Variants in SPAG17 observed in about 807,000 individuals in gnomAD.
SPAG17 encodes sperm-associated antigen 17.
Under a neutral mutation model 273.6 loss-of-function variants are expected in SPAG17, and 169 were observed. That is an observed-to-expected ratio of 0.62 (90% confidence interval 0.55 to 0.70). The LOEUF (loss-of-function observed/expected upper bound fraction) is 0.70. Among genes scored for constraint, SPAG17 ranks in the 30% least tolerant of loss-of-function variants. The pLI, the probability that SPAG17 is intolerant of heterozygous loss-of-function variation, is 0.00. For missense variants in SPAG17, 2,557 were observed against 2,627.8 expected, an observed-to-expected ratio of 0.97 and a Z score of 0.59; for synonymous variants, 825 against 873.2, an observed-to-expected ratio of 0.94 and a Z score of 0.97.
chr1:117,985,664 A>G (rs1229887951), intron 40 of SPAG17, among the ~76,000 whole-genome samples: 1 of 152,190 alleles, frequency 6.6e-6, no homozygotes, highest in Non-Finnish European at 1.5e-5. Context: ...TTTCTGTTAA[A>G]TGTAGCTGAA....
At chr1:117,994,615 C>T (rs2101666533) in intron 34 of SPAG17, 85 bp from the exon 35 acceptor site, 2 of 1,411,188 alleles carry the variant, frequency 1.4e-6, no homozygotes, top group Non-Finnish European at 1.9e-6. Context: ...ATTCAACAAG[C>T]TCTTTTTGAA....
At chr1:118,161,047 A>G (rs1463698452) in intron 1 of SPAG17, among the ~76,000 whole-genome samples, 1 of 152,258 alleles carries the variant, frequency 6.6e-6, no homozygotes, top group African/African-American at 2.4e-5. Flanking sequence ...GTGCAGCTCA[A>G]CAAGCATTTA....
In SPAG17 at chr1:117,987,870, G is replaced by T. The variant is rs769078202; in HGVS notation, c.5633C>A (p.Ser1878Tyr). 6.2e-7 allele frequency: 1 copy of T among 1,613,764 alleles called. No homozygotes were observed. Among genetic ancestry groups the T allele is most frequent in the African/African-American group, 1.3e-5 (1 of 74,876 alleles). ...TATCTTTTCTTTCCAGCGTTTTGAG[G>T]ATGCTGTGTGTCTATGTGAAAGGAA... ...FFEKTWRHTA[S>Y]SKRWKEKIDK... Residue 1878 changes from serine (S) to tyrosine (Y), a missense_variant, in exon 40 of 49, where the codon TCC becomes TAC. By Grantham distance (144) the Ser-to-Tyr change is moderately radical (BLOSUM62 -2). Coordinates refer to ENST00000336338, the MANE Select transcript of SPAG17 (RefSeq NM_206996.4).
chr1:118,119,706 C>T (rs908354864), intron 3 of SPAG17, among the ~76,000 whole-genome samples: 1 of 152,180 alleles, frequency 6.6e-6, no homozygotes, highest in African/African-American at 2.4e-5. Context: ...GCTGGGCAAA[C>T]AGGCTTTCAG....
rs556360731 is a variant in SPAG17 at position 117,966,508 on chromosome 1, T to C, written c.6532+101A>G. 14 of 1,134,312 alleles carry C rather than the reference T, an allele frequency of 1.2e-5. No individual in the cohort carries two copies. The South Asian group carries it at 3.0e-4, about 24-fold the overall frequency. 70.3% of individuals were successfully genotyped at this position (1,134,312 alleles called of 1,614,324 possible). A position where few individuals can be genotyped will look rare whatever the true frequency, so the allele number is the denominator to read the frequency against. ...ATAAATTTAACTCTGATTTTGAAGA[T>C]AGAATTAATAAAGTAGAGATGCATT... is the stretch of plus-strand genomic sequence containing the variant. On this transcript the variant is annotated intron_variant, in intron 47 of 48. Coordinates refer to ENST00000336338, the MANE Select transcript of SPAG17 (RefSeq NM_206996.4).
At position 118,015,971 on chromosome 1, in the gene SPAG17, A is replaced by G. The variant is rs776475325; in HGVS notation, c.4281T>C (p.Asn1427=). ...AAACAATAGTTTGTCATACCGTTCC[A>G]TTGACAGGATCTGTGGCCTGAAAGG... ...LLSFQATDPV[N]GTVMTTREDK... Residue 1427 remains asparagine (N), a synonymous_variant, in exon 29 of 49, where the codon AAT becomes AAC. Transcript: ENST00000336338. 1.9e-6 allele frequency: 3 copies of G among 1,613,764 alleles called. No individual in the cohort carries two copies. In the African/African-American group the frequency reaches 4.0e-5, roughly 22 times the overall value.
Position 118,041,979 on chromosome 1 carries a change from C to A in SPAG17, c.2878G>T (p.Glu960Ter). 6.2e-7 allele frequency: 1 copy of A among 1,613,996 alleles called. No homozygotes were observed. The highest frequency in any genetic ancestry group is 8.5e-7 in the Non-Finnish European group (1 of 1,179,924). Reference protein sequence around the residue: ...EERLREEKKAEKKGKEAGKKK... With the variant: ...EERLREEKKA ...TTACCAGCTTCTTTACCCTTCTTCT[C>A]TGCTTTCTTTTCTTCCCTTAAGCGC... Residue 960 changes from glutamate (E) to a stop codon, truncating the protein, a stop_gained, in exon 21 of 49, where the codon GAG (glutamate) becomes TAG (stop). Transcript: ENST00000336338. LOFTEE classifies it high-confidence loss of function.
In SPAG17 at chr1:118,016,127, A is replaced by AG. The variant is rs1267464661; in HGVS notation, c.4124dup (p.Pro1376SerfsTer24). 1.8e-5 allele frequency: 29 copies of AG among 1,614,050 alleles called. No homozygotes were observed. Among genetic ancestry groups the AG allele is most frequent in the Non-Finnish European group, 2.5e-5 (29 of 1,179,962 alleles). ...TTACAGTTTGAACTGCCTCTGGAGG[A>AG]GGGTCATGGATTTCACCCTTATGGG... On this transcript the variant is annotated frameshift_variant, in exon 29 of 49. Transcript: ENST00000336338. LOFTEE classifies it high-confidence loss of function.
In SPAG17 at chr1:118,055,419, T is replaced by G. The variant is rs930665485; in HGVS notation, c.2722+314A>C. ...ATATTGTCAACAAATCTTAGATAGC[T>G]TAATTTACCAATCCTACCAATAAAG... On this transcript the variant is annotated intron_variant, in intron 19 of 48. Transcript: ENST00000336338. 2.9e-4 allele frequency among the ~76,000 whole-genome samples: 44 copies of G among 152,326 alleles called. 1 individual carries two copies. The highest frequency in any genetic ancestry group is 9.6e-4 in the African/African-American group (40 of 41,576).
At chr1:118,067,941 C>T (rs1012297151) in intron 17 of SPAG17, among the ~76,000 whole-genome samples, 3 of 152,156 alleles carry the variant, frequency 2.0e-5, no homozygotes, top group African/African-American at 7.2e-5. Context: ...CCATCCTCAG[C>T]ATGCACTGCG....
At position 118,002,593 on chromosome 1, in the gene SPAG17, C is replaced by CTTTTGATCT. The variant is rs1658417013; in HGVS notation, c.4776+2812_4776+2820dup. On this transcript the variant is annotated intron_variant, in intron 32 of 48. Transcript: ENST00000336338. Reference sequence around the variant, plus strand: ...AAATATGTAATGGCCTTCTTTGTCTCTTTTGATCTTTGTTGGTTTAAAGTC... The same window carrying CTTTTGATCT: ...AAATATGTAATGGCCTTCTTTGTCTCTTTTGATCTTTTTGATCTTTGTTGGTTTAAAGTC... 3.3e-5 allele frequency among the ~76,000 whole-genome samples: 5 copies of CTTTTGATCT among 152,060 alleles called. No individual in the cohort carries two copies. In the South Asian group the frequency reaches 1.0e-3, roughly 32 times the overall value.
chr1:118,081,656 G>A lies in SPAG17; in HGVS notation c.1763-14C>T, dbSNP rs1459946122. 1 of 1,605,060 alleles carries A rather than the reference G, an allele frequency of 6.2e-7. No individual in the cohort carries two copies. Among genetic ancestry groups the A allele is most frequent in the Non-Finnish European group, 8.5e-7 (1 of 1,172,122 alleles). On this transcript the variant is annotated splice_polypyrimidine_tract_variant and intron_variant, in intron 13 of 48. Transcript: ENST00000336338. ...AGCTCAAGACATCTGTAAGAAAGCA[G>A]AACCAGTGCTGCTGGAAATGTTCTT...
chr1:117,982,402 T>C (rs1264175606), intron 42 of SPAG17, among the ~76,000 whole-genome samples: 1 of 151,972 alleles, frequency 6.6e-6, no homozygotes, highest in African/African-American at 2.4e-5. Context: ...CCACCACGCC[T>C]GGCTAATTTT....
At chr1:118,076,352 A>G (rs1388066320) in intron 15 of SPAG17, 1 of 152,162 alleles carries the variant, frequency 6.6e-6, no homozygotes, top group Non-Finnish European at 1.5e-5. Context: ...TACTAGTTCC[A>G]TCTTGCCTTG....
chr1:118,101,789 G>C lies in SPAG17; in HGVS notation c.585C>G (p.Thr195=), dbSNP rs1471672340. The change falls in exon 5 of 49, where the codon ACC becomes ACG. Residue 195 remains threonine, a synonymous_variant. Transcript: ENST00000336338. ...CTTCTCCTCTCCGCTTTAACTGGGT[G>C]GTCTTTTTCACTGGTGCATTTGCCT... ...QPEANAPVKK[T]TQLKRRGEDD... is the part of the protein sequence containing the mutation. 1 of 1,613,970 alleles carries C rather than the reference G, an allele frequency of 6.2e-7. No individual in the cohort carries two copies. The highest frequency in any genetic ancestry group is 8.5e-7 in the Non-Finnish European group (1 of 1,179,942).
At chr1:118,036,975 G>C (rs1283408180) in intron 23 of SPAG17, 92 bp from the exon 24 acceptor site, 2 of 847,076 alleles carry the variant, frequency 2.4e-6, no homozygotes, top group Non-Finnish European at 3.8e-6. Flanking sequence ...GGAGTTCATA[G>C]CTGCTCTACC....
At chr1:118,017,080 A>G (rs1021183637) in intron 28 of SPAG17, among the ~76,000 whole-genome samples, 2 of 152,136 alleles carry the variant, frequency 1.3e-5, no homozygotes, top group African/African-American at 2.4e-5. Flanking sequence ...ACTGATAGGG[A>G]CTCAACTAAT....
intron 13 of SPAG17, among the ~76,000 whole-genome samples, chr1:118,083,925 T>A (rs962521899): frequency 6.6e-6 from 1 of 152,108 alleles, no homozygotes; most frequent in African/African-American, 2.4e-5. Context: ...TTGGACTTGT[T>A]AAGCATGATG....
intron 15 of SPAG17, among the ~76,000 whole-genome samples, chr1:118,079,630 GT>G (rs1054940353): frequency 1.8e-4 from 28 of 151,486 alleles, no homozygotes; most frequent in African/African-American, 6.0e-4. Context: ...ATTTTTTGTT[GT>G]TTTCCTTCTT....
Sources: gnomAD v4.1 joint callset for allele counts (sites outside exome capture counted in the v4.1 genomes callset) on GRCh38, gnomAD v4.1.1 for gene constraint, MANE v1.5 for transcripts, NCBI Gene and HGNC (gene_info 2026-07-23, HGNC 2026-07-21) for gene names.